Variants in GRID2 observed in about 807,000 individuals in gnomAD.
The protein encoded by GRID2 is glutamate ionotropic receptor delta type subunit 2.
Under a neutral mutation model 114.8 loss-of-function variants are expected in GRID2, and 33 were observed. The ratio of observed to expected loss-of-function variants is 0.29; its 90% CI spans 0.22 to 0.38. The LOEUF (loss-of-function observed/expected upper bound fraction) is 0.38. Ranked by LOEUF, GRID2 falls within the 10% of genes least tolerant of loss-of-function variation. The pLI is 1.00. For synonymous variants in GRID2, 505 were observed against 449.9 expected, an observed-to-expected ratio of 1.12 and a Z score of -1.55; for missense variants, 1,184 against 1,257.7, an observed-to-expected ratio of 0.94 and a Z score of 0.89.
At chr4:92,481,889 G>A (rs1423799192) in intron 1 of GRID2, among the ~76,000 whole-genome samples, 2 of 149,318 alleles carry the variant, frequency 1.3e-5, no homozygotes, top group South Asian at 4.2e-4. Context: ...AAAGACACAT[G>A]CATTTGTCTG....
intron 1 of GRID2, among the ~76,000 whole-genome samples, chr4:92,366,735 ATGAGAGAAAAGCTCC>A (rs1728888112): frequency 6.6e-6 from 1 of 152,078 alleles, no homozygotes; most frequent in Non-Finnish European, 1.5e-5. Context: ...AGAAGAACAT[ATGAGAGAAAAGCTCC>A]TGGACATTGG....
chr4:93,614,441 A>C (rs1411531817), intron 13 of GRID2, among the ~76,000 whole-genome samples: 1 of 152,216 alleles, frequency 6.6e-6, no homozygotes, highest in Non-Finnish European at 1.5e-5. Flanking sequence ...TTAGATAGAC[A>C]ACCCAGAACA....
intron 10 of GRID2, among the ~76,000 whole-genome samples, chr4:93,453,619 A>T (rs1288284270): frequency 1.3e-5 from 2 of 152,162 alleles, no homozygotes; most frequent in African/African-American, 2.4e-5. Context: ...TGATATTTAA[A>T]GGTATCCATT....
intron 14 of GRID2, among the ~76,000 whole-genome samples, chr4:93,703,562 G>C (rs183849983): frequency 6.6e-6 from 1 of 151,628 alleles, no homozygotes; most frequent in South Asian, 2.1e-4. Flanking sequence ...AGTTACATAC[G>C]TAAACATGTG....
intron 1 of GRID2, among the ~76,000 whole-genome samples, chr4:92,408,876 C>G (rs1731160584): frequency 6.6e-6 from 1 of 151,984 alleles, no homozygotes; most frequent in Admixed American, 6.6e-5. Flanking sequence ...TAGGTGGAGT[C>G]TTTGGGGTTT....
intron 2 of GRID2, among the ~76,000 whole-genome samples, chr4:92,640,019 A>G (rs1445620227): frequency 6.6e-6 from 1 of 151,854 alleles, no homozygotes; most frequent in Admixed American, 6.6e-5. Context: ...ACACTTAGAG[A>G]TAGACATTTT....
intron 2 of GRID2, among the ~76,000 whole-genome samples, chr4:93,043,067 A>G (rs1725755124): frequency 6.6e-6 from 1 of 152,130 alleles, no homozygotes; most frequent in Non-Finnish European, 1.5e-5. Context: ...TAATTCCTTT[A>G]TCTTTGCTAG....
intron 2 of GRID2, among the ~76,000 whole-genome samples, chr4:92,658,985 G>T (rs1401129098): frequency 6.7e-6 from 1 of 148,230 alleles, no homozygotes; most frequent in Admixed American, 6.8e-5. Context: ...TGACCAAAGA[G>T]AAAATTAAAG....
intron 14 of GRID2, among the ~76,000 whole-genome samples, chr4:93,707,129 A>G (rs932517789): frequency 1.3e-5 from 2 of 152,084 alleles, no homozygotes; most frequent in Non-Finnish European, 2.9e-5. Context: ...AGGATTTTGC[A>G]TCAGCATTCA....
At chr4:92,441,374 T>C (rs1044499106) in intron 1 of GRID2, among the ~76,000 whole-genome samples, 21 of 151,984 alleles carry the variant, frequency 1.4e-4, no homozygotes, top group African/African-American at 5.1e-4. Context: ...GCTTGATGGG[T>C]GTCAGGGTCA....
intron 1 of GRID2, among the ~76,000 whole-genome samples, chr4:92,542,881 A>T (rs1048794839): frequency 6.6e-6 from 1 of 152,174 alleles, no homozygotes; most frequent in African/African-American, 2.4e-5. Context: ...GGGTTCTAGT[A>T]GACCCTGTTC....
intron 1 of GRID2, among the ~76,000 whole-genome samples, chr4:92,397,044 T>G (rs1730525099): frequency 6.6e-6 from 1 of 152,048 alleles, no homozygotes; most frequent in South Asian, 2.1e-4. Context: ...ATTTTAGTTT[T>G]TTTTCAAGGC....
At chr4:92,919,724 T>TTA (rs1392052668) in intron 2 of GRID2, among the ~76,000 whole-genome samples, 1 of 152,198 alleles carries the variant, frequency 6.6e-6, no homozygotes, top group Non-Finnish European at 1.5e-5. Flanking sequence ...AGACAGTTTG[T>TTA]TATAATTTCT....
chr4:93,343,740 T>C (rs1759901698), intron 8 of GRID2, among the ~76,000 whole-genome samples: 1 of 152,234 alleles, frequency 6.6e-6, no homozygotes. Context: ...TAGAAAGCTC[T>C]ACCTCATCTT....
chr4:93,631,278 A>T (rs1451892792), intron 14 of GRID2, among the ~76,000 whole-genome samples: 2 of 151,728 alleles, frequency 1.3e-5, no homozygotes, highest in Non-Finnish European at 2.9e-5. Flanking sequence ...CAGGTTTGTT[A>T]CATATGTATA....
intron 2 of GRID2, among the ~76,000 whole-genome samples, chr4:92,781,011 C>CCA (rs1739048657): frequency 6.6e-6 from 1 of 151,954 alleles, no homozygotes; most frequent in South Asian, 2.1e-4. Flanking sequence ...CTTTGGGAGG[C>CCA]CAAGGCAGGT....
chr4:93,452,458 T>C (rs1560633583), intron 10 of GRID2, among the ~76,000 whole-genome samples: 1 of 152,160 alleles, frequency 6.6e-6, no homozygotes, highest in Non-Finnish European at 1.5e-5. Context: ...TTTGATTTCA[T>C]TTTAACAAGA....
At chr4:93,583,425 T>C (rs1412736487) in intron 13 of GRID2, among the ~76,000 whole-genome samples, 1 of 152,158 alleles carries the variant, frequency 6.6e-6, no homozygotes, top group Non-Finnish European at 1.5e-5. Flanking sequence ...TTATTATTAA[T>C]ATTGATCCAG....
rs143916845 is a variant in GRID2, at chr4:93,745,797, G to C, written c.2361-23413G>C. On this transcript the variant is annotated intron_variant, in intron 14 of 15. Coordinates refer to ENST00000282020, the MANE Select transcript of GRID2 (RefSeq NM_001510.4). The stretch of plus-strand genomic sequence containing the variant: ...GAAGATGAAAAATGCAATTACTTTA[G>C]CTATGGCATATTTTATTTTATTTCT... Among the ~76,000 whole-genome samples the C allele has an allele frequency of 3.9e-4, 59 of 152,202 alleles. No individual in the cohort carries two copies. The East Asian group carries it at 0.01, about 26-fold the overall frequency.
Sources: gnomAD v4.1 joint callset for allele counts (sites outside exome capture counted in the v4.1 genomes callset) on GRCh38, gnomAD v4.1.1 for gene constraint, MANE v1.5 for transcripts, NCBI Gene and HGNC (gene_info 2026-07-23, HGNC 2026-07-21) for gene names.